Variants in FARSB observed in about 807,000 individuals in gnomAD.
The protein encoded by FARSB is phenylalanine--tRNA ligase beta subunit.
FARSB carries 40 observed loss-of-function variants against 69.6 expected under a neutral mutation model. The observed-to-expected ratio is 0.57, with a 90% CI of 0.45 to 0.75. The LOEUF (loss-of-function observed/expected upper bound fraction) is 0.75, where lower values mean the gene tolerates loss of function less well. Ranked by LOEUF, FARSB falls within the 30% of genes least tolerant of loss-of-function variation. The pLI, the probability that FARSB is intolerant of heterozygous loss-of-function variation, is 0.00. For missense variants in FARSB, 632 were observed against 722.9 expected, an observed-to-expected ratio of 0.87 and a Z score of 1.44; for synonymous variants, 235 against 247.2, an observed-to-expected ratio of 0.95 and a Z score of 0.46.
chr2:222,614,180 C>T (rs1056703343), intron 14 of FARSB, among the ~76,000 whole-genome samples: 2 of 152,086 alleles, frequency 1.3e-5, no homozygotes, highest in Non-Finnish European at 2.9e-5. Flanking sequence ...AAAAAATAAA[C>T]GAGAAACAAA....
At chr2:222,611,889 G>A (rs1441618807) in intron 15 of FARSB, among the ~76,000 whole-genome samples, 2 of 152,164 alleles carry the variant, frequency 1.3e-5, no homozygotes, top group African/African-American at 2.4e-5. Flanking sequence ...CCACAGAACC[G>A]TGCATGGCCC....
intron 5 of FARSB, among the ~76,000 whole-genome samples, chr2:222,639,110 T>C (rs1186314390): frequency 1.3e-5 from 2 of 152,192 alleles, no homozygotes; most frequent in African/African-American, 4.8e-5. Context: ...TCATTTAAAC[T>C]CAAGTTCTGT....
chr2:222,595,247 T>C (rs956383391), intron 16 of FARSB, among the ~76,000 whole-genome samples: 77 of 152,350 alleles, frequency 5.1e-4, no homozygotes, highest in African/African-American at 1.8e-3. Context: ...AAACCATAAA[T>C]TGAACACTTT....
At chr2:222,585,365 A>G (rs546112489) in intron 16 of FARSB, among the ~76,000 whole-genome samples, 54 of 152,348 alleles carry the variant, frequency 3.5e-4, no homozygotes, top group African/African-American at 1.1e-3. Flanking sequence ...CCTCATCTGT[A>G]GGTCACCATC....
chr2:222,633,445 G>A, intron 6 of FARSB, 138 bp from the exon 7 acceptor site: 2 of 489,766 alleles, frequency 4.1e-6, no homozygotes, highest in Admixed American at 3.9e-5. Context: ...CACTTTGGGA[G>A]GCTGAGGCCG....
intron 15 of FARSB, among the ~76,000 whole-genome samples, chr2:222,602,996 TA>T (rs906864176): frequency 1.6e-4 from 24 of 147,446 alleles, no homozygotes; most frequent in Non-Finnish European, 1.5e-4. Flanking sequence ...TTTTATTTTG[TA>T]AAAAAAAAAA....
At chr2:222,633,337 G>GT (rs76757037) in intron 6 of FARSB, 30 bp from the exon 7 acceptor site, 50,295 of 792,550 alleles carry the variant, frequency 0.063, 15 homozygotes, top group East Asian at 0.077. Flanking sequence ...AATAAAATTA[G>GT]TTTTTTTTTT....
intron 15 of FARSB, among the ~76,000 whole-genome samples, chr2:222,605,161 T>TCTCTCTCTCTCTCTCTC (rs1690667824): frequency 3.0e-5 from 4 of 132,672 alleles, no homozygotes; most frequent in Non-Finnish European, 3.2e-5. Context: ...AATACAAACT[T>TCTCTCTCTCTCTCTCTC]TCTCTCTCTC....
intron 16 of FARSB, among the ~76,000 whole-genome samples, chr2:222,596,350 G>A (rs1049404723): frequency 1.3e-5 from 2 of 152,118 alleles, no homozygotes; most frequent in African/African-American, 2.4e-5. Flanking sequence ...AAGGTGAATC[G>A]AGTTCTGTTC....
At chr2:222,655,661 C>G (rs1408564900) in intron 1 of FARSB, among the ~76,000 whole-genome samples, 3 of 152,236 alleles carry the variant, frequency 2.0e-5, no homozygotes, top group African/African-American at 7.2e-5. Flanking sequence ...AACTGAGTTC[C>G]CACAGCGCTG....
intron 16 of FARSB, among the ~76,000 whole-genome samples, chr2:222,580,894 G>A (rs1689951303): frequency 6.6e-6 from 1 of 152,168 alleles, no homozygotes; most frequent in Non-Finnish European, 1.5e-5. Flanking sequence ...TTCTTGGAAG[G>A]GGAGAAGTAG....
intron 16 of FARSB, among the ~76,000 whole-genome samples, chr2:222,588,321 T>TA (rs1690175524): frequency 6.6e-6 from 1 of 152,196 alleles, no homozygotes; most frequent in Non-Finnish European, 1.5e-5. Context: ...CGCTTCATGC[T>TA]AAAAACTCTC....
intron 15 of FARSB, among the ~76,000 whole-genome samples, chr2:222,605,161 T>TTCTC (rs71053093): frequency 0.14 from 18,494 of 132,670 alleles, 1,851 homozygotes; most frequent in African/African-American, 0.29. Context: ...AATACAAACT[T>TTCTC]TCTCTCTCTC....
At chr2:222,620,626 CAAT>C (rs1282039292) in intron 13 of FARSB, among the ~76,000 whole-genome samples, 1 of 152,190 alleles carries the variant, frequency 6.6e-6, no homozygotes, top group African/African-American at 2.4e-5. Context: ...AAAATACCAA[CAAT>C]GATGATAACT....
At position 222,609,439 on chromosome 2, in the gene FARSB, G is replaced by A. The variant is rs527524312; in HGVS notation, c.1462+4372C>T. ...CCTGATATGGCAGCTTCAATGCTGC[G>A]TCTGCTGACTTCCTTGTTATCAACT... On this transcript the variant is annotated intron_variant, in intron 15 of 16. Coordinates refer to ENST00000281828, the MANE Select transcript of FARSB (RefSeq NM_005687.5). 4.5e-3 allele frequency among the ~76,000 whole-genome samples: 681 copies of A among 152,250 alleles called. 4 individuals carry two copies. The highest frequency in any genetic ancestry group is 7.2e-3 in the Non-Finnish European group (488 of 68,002).
At chr2:222,597,635 G>C (rs1003644196) in intron 16 of FARSB, among the ~76,000 whole-genome samples, 4 of 152,036 alleles carry the variant, frequency 2.6e-5, no homozygotes, top group African/African-American at 9.7e-5. Context: ...AGTTCCAAGT[G>C]GCACTATCAC....
intron 9 of FARSB, 110 bp from the exon 10 acceptor site, chr2:222,628,998 A>C: frequency 1.3e-6 from 1 of 750,542 alleles, no homozygotes; most frequent in Non-Finnish European, 2.3e-6. Context: ...CAGCCTCAAC[A>C]TACTCCATCT....
intron 1 of FARSB, among the ~76,000 whole-genome samples, chr2:222,649,210 G>A (rs1691956658): frequency 8.8e-6 from 1 of 114,048 alleles, no homozygotes; most frequent in Non-Finnish European, 1.6e-5. Context: ...TGGCTGACAA[G>A]AGCGAGACTC....
intron 2 of FARSB, among the ~76,000 whole-genome samples, chr2:222,647,713 C>T (rs1426831017): frequency 2.0e-5 from 3 of 152,186 alleles, no homozygotes; most frequent in South Asian, 2.1e-4. Context: ...TGTGGTGAGC[C>T]AAGATCGCGC....
Sources: gnomAD v4.1 joint callset for allele counts (sites outside exome capture counted in the v4.1 genomes callset) on GRCh38, gnomAD v4.1.1 for gene constraint, MANE v1.5 for transcripts, NCBI Gene and HGNC (gene_info 2026-07-23, HGNC 2026-07-21) for gene names.